MTCH2: variants seen among roughly 807,000 people sequenced by gnomAD.
MTCH2 encodes mitochondrial carrier homolog 2.
MTCH2 carries 25 observed loss-of-function variants against 50.6 expected under a neutral mutation model. The ratio of observed to expected loss-of-function variants is 0.49; its 90% CI spans 0.36 to 0.69. The LOEUF is 0.69. MTCH2 is among the 30% of genes least tolerant of loss of function. MTCH2 has a pLI of 0.00. For missense variants in MTCH2, 273 were observed against 384.4 expected, an observed-to-expected ratio of 0.71 and a Z score of 2.42; for synonymous variants, 106 against 132.0, an observed-to-expected ratio of 0.80 and a Z score of 1.35.
chr11:47,631,405 G>A (rs1420449552), intron 6 of MTCH2, among the ~76,000 whole-genome samples: 3 of 151,648 alleles, frequency 2.0e-5, no homozygotes, highest in Non-Finnish European at 2.9e-5. Flanking sequence ...GTGAAACTCC[G>A]TCTCAAAAAC....
intron 1 of MTCH2, among the ~76,000 whole-genome samples, chr11:47,640,526 G>A (rs1196444614): frequency 6.6e-6 from 1 of 151,726 alleles, no homozygotes; most frequent in Non-Finnish European, 1.5e-5. Flanking sequence ...AGCCATTCTC[G>A]TACCTCAGCC....
At position 47,628,945 on chromosome 11, in the gene MTCH2, C is replaced by A; in HGVS notation, c.633+8G>T. The A allele has an allele frequency of 6.2e-7, 1 of 1,611,760 alleles. No individual in the cohort carries two copies. The highest frequency in any genetic ancestry group is 1.7e-4 in the Middle Eastern group (1 of 6,058). On this transcript the variant is annotated splice_region_variant and intron_variant, in intron 9 of 12. Transcript: ENST00000302503. Reference sequence around the variant, plus strand: ...AGGTGAGCACATCTCACGAAGGTCACAACCTACCCCACTGTCCAGTGCATA... The same window carrying A: ...AGGTGAGCACATCTCACGAAGGTCAAAACCTACCCCACTGTCCAGTGCATA...
chr11:47,632,254 T>C (rs1407129940), intron 5 of MTCH2, among the ~76,000 whole-genome samples: 2 of 152,196 alleles, frequency 1.3e-5, no homozygotes, highest in Non-Finnish European at 2.9e-5. Flanking sequence ...TTTATCTTTC[T>C]ACTCTAGGGC....
intron 4 of MTCH2, 114 bp downstream of exon 4, chr11:47,635,431 C>T (rs2097307654): frequency 5.8e-6 from 7 of 1,198,578 alleles, no homozygotes; most frequent in African/African-American, 1.5e-5. Flanking sequence ...TAGGACAACA[C>T]TCACTGAGAT....
At chr11:47,632,613 C>T (rs931765350) in intron 5 of MTCH2, among the ~76,000 whole-genome samples, 1 of 152,158 alleles carries the variant, frequency 6.6e-6, no homozygotes, top group African/African-American at 2.4e-5. Flanking sequence ...CCGCCTCGGC[C>T]TCCCAAACTG....
At chr11:47,632,692 T>C (rs549688812) in intron 5 of MTCH2, among the ~76,000 whole-genome samples, 19 of 151,562 alleles carry the variant, frequency 1.3e-4, no homozygotes, top group African/African-American at 4.6e-4. Context: ...TTATGGTCAC[T>C]GAGTTTTTTC....
Position 47,622,606 on chromosome 11 carries a change from A to G in MTCH2, c.825+95T>C. 4 of 966,942 alleles carry G rather than the reference A, an allele frequency of 4.1e-6. No homozygotes were observed. In the Middle Eastern group the frequency reaches 1.2e-3, roughly 283 times the overall value. The allele number at this position is 966,942 out of a possible 1,614,324, so 59.9% of individuals were successfully genotyped here. On this transcript the variant is annotated intron_variant, in intron 12 of 12. Coordinates refer to ENST00000302503, the MANE Select transcript of MTCH2 (RefSeq NM_014342.4). ...ACTAACTCTAGCTAAAGTGAGCTAC[A>G]AGAGTTAACTTGGGATTCCAGAGAC...
At position 47,642,505 on chromosome 11, in the gene MTCH2, C is replaced by A; in HGVS notation, c.-40G>T. The A allele has an allele frequency of 6.6e-7, 1 of 1,520,970 alleles. No individual in the cohort carries two copies. Among genetic ancestry groups the A allele is most frequent in the Non-Finnish European group, 8.8e-7 (1 of 1,133,544 alleles). The allele number at this position is 1,520,970 out of a possible 1,614,324, so 94.2% of individuals were successfully genotyped here. A position where few individuals can be genotyped will look rare whatever the true frequency, so the allele number is the denominator to read the frequency against. On this transcript the variant is annotated 5_prime_UTR_variant, in exon 1 of 13. Coordinates refer to ENST00000302503, the MANE Select transcript of MTCH2 (RefSeq NM_014342.4). ...GCGGACGGACAGACAGACGGAGCCACCAAGCGACCCGGTGAGCCGGTCCTA... is the reference window on the plus strand; with the variant it reads ...GCGGACGGACAGACAGACGGAGCCAACAAGCGACCCGGTGAGCCGGTCCTA...
intron 11 of MTCH2, among the ~76,000 whole-genome samples, chr11:47,623,850 G>A (rs370630547): frequency 1.3e-5 from 2 of 151,992 alleles, no homozygotes; most frequent in African/African-American, 4.8e-5. Context: ...TCAGGAGTTC[G>A]AGACCAGCCT....
At chr11:47,638,630 T>C in intron 3 of MTCH2, 69 bp downstream of exon 3, 3 of 1,019,168 alleles carry the variant, frequency 2.9e-6, no homozygotes, top group East Asian at 5.2e-5. Flanking sequence ...TTGCTCTTGA[T>C]ATTTAGAACA....
chr11:47,639,449 T>C (rs2097311905), intron 1 of MTCH2, among the ~76,000 whole-genome samples: 1 of 152,252 alleles, frequency 6.6e-6, no homozygotes, highest in Non-Finnish European at 1.5e-5. Flanking sequence ...ATCAGCTGCA[T>C]ATTTGGCAAC....
intron 12 of MTCH2, among the ~76,000 whole-genome samples, chr11:47,621,226 CTT>C (rs1245591655): frequency 6.6e-6 from 1 of 152,196 alleles, no homozygotes; most frequent in Admixed American, 6.5e-5. Context: ...ACAAACAACA[CTT>C]AGGCCTTTTC....
intron 1 of MTCH2, among the ~76,000 whole-genome samples, chr11:47,641,803 C>CA (rs2097314434): frequency 6.6e-6 from 1 of 152,118 alleles, no homozygotes; most frequent in South Asian, 2.1e-4. Context: ...TCTGACAGAG[C>CA]AACCCCTTCA....
At chr11:47,633,295 A>G (rs1223105083) in intron 5 of MTCH2, among the ~76,000 whole-genome samples, 2 of 148,104 alleles carry the variant, frequency 1.4e-5, no homozygotes, top group East Asian at 2.0e-4. Flanking sequence ...TATTTTTCGT[A>G]GAGACGGGGT....
the MTCH2 span, among the ~76,000 whole-genome samples, chr11:47,607,939 T>A: frequency 6.6e-6 from 1 of 152,342 alleles, no homozygotes; most frequent in African/African-American, 2.4e-5. Flanking sequence ...TCATTAAGAT[T>A]CATACTTCAC....
intron 12 of MTCH2, among the ~76,000 whole-genome samples, chr11:47,620,139 G>C (rs977171676): frequency 4.0e-5 from 6 of 151,746 alleles, no homozygotes; most frequent in Admixed American, 6.6e-5. Flanking sequence ...ACAGGGGTGA[G>C]GGGGGAGGGA....
intron 11 of MTCH2, among the ~76,000 whole-genome samples, chr11:47,624,637 C>T (rs1358985408): frequency 6.6e-6 from 1 of 151,838 alleles, no homozygotes; most frequent in African/African-American, 2.4e-5. Flanking sequence ...CCTGTGTCTT[C>T]ACAAAAAATA....
intron 11 of MTCH2, 112 bp from the exon 12 acceptor site, chr11:47,622,888 T>C: frequency 1.6e-6 from 1 of 632,888 alleles, no homozygotes; most frequent in Non-Finnish European, 2.6e-6. Context: ...TGAGAGATCA[T>C]TTTAGTTCAA....
downstream of MTCH2, among the ~76,000 whole-genome samples, chr11:47,615,031 CTTTTTTTTTTTTTTTTTT>C (rs61122824): frequency 2.2e-5 from 1 of 44,880 alleles, no homozygotes; most frequent in Admixed American, 3.7e-4. Flanking sequence ...CCCAGTGAGG[CTTTTTTTTTTTTTTTTTT>C]TTTTTTTTTT....
Sources: allele counts gnomAD v4.1 joint callset (sites outside exome capture counted in the v4.1 genomes callset), GRCh38; gene constraint gnomAD v4.1.1; transcripts MANE v1.5; gene names NCBI Gene and HGNC (gene_info 2026-07-23, HGNC 2026-07-21).